PCDH9: variants seen among roughly 807,000 people sequenced by gnomAD.
PCDH9 encodes the protein protocadherin 9, also known as protocadherin-9.
A neutral mutation model predicts 70.6 loss-of-function variants in PCDH9; 24 were observed. That is an observed-to-expected ratio of 0.34 (90% confidence interval 0.25 to 0.48). The LOEUF (loss-of-function observed/expected upper bound fraction) is 0.48. Among genes scored for constraint, PCDH9 ranks in the 20% least tolerant of loss-of-function variants. PCDH9 has a pLI of 0.99. For synonymous variants in PCDH9, 562 were observed against 558.5 expected, an observed-to-expected ratio of 1.01 and a Z score of -0.09; for missense variants, 1,281 against 1,503.6, an observed-to-expected ratio of 0.85 and a Z score of 2.45.
intron 3 of PCDH9, among the ~76,000 whole-genome samples, chr13:66,850,636 GAA>G (rs2081300913): frequency 6.6e-6 from 1 of 152,004 alleles, no homozygotes; most frequent in Non-Finnish European, 1.5e-5. Flanking sequence ...AAAATCTATT[GAA>G]GTTTCACTTA....
intron 4 of PCDH9, among the ~76,000 whole-genome samples, chr13:66,442,668 T>A (rs1473840614): frequency 2.9e-4 from 1 of 3,456 alleles, no homozygotes; most frequent in Admixed American, 0.022. Context: ...AGTTTGTTGT[T>A]TTTTTTTCAG....
intron 2 of PCDH9, among the ~76,000 whole-genome samples, chr13:67,151,054 C>T (rs2087646486): frequency 6.6e-6 from 1 of 152,116 alleles, no homozygotes; most frequent in African/African-American, 2.4e-5. Context: ...ATACTGTTCC[C>T]TCTGCCCTCA....
intron 4 of PCDH9, among the ~76,000 whole-genome samples, chr13:66,506,129 A>G (rs1192350020): frequency 1.3e-5 from 2 of 152,198 alleles, no homozygotes; most frequent in Non-Finnish European, 2.9e-5. Flanking sequence ...GAAGGGCATC[A>G]TGCTTCATTG....
chr13:67,188,078 A>T (rs1370660495), intron 2 of PCDH9, among the ~76,000 whole-genome samples: 3 of 152,156 alleles, frequency 2.0e-5, no homozygotes, highest in African/African-American at 7.2e-5. Flanking sequence ...TTCATGAGAA[A>T]TATACAGTAA....
chr13:66,770,258 A>G (rs2079785520), intron 3 of PCDH9, among the ~76,000 whole-genome samples: 1 of 152,180 alleles, frequency 6.6e-6, no homozygotes, highest in Non-Finnish European at 1.5e-5. Context: ...CACTGGGTAC[A>G]GTGTACACTA....
chr13:66,691,676 T>G (rs2078488901), intron 3 of PCDH9, among the ~76,000 whole-genome samples: 1 of 152,090 alleles, frequency 6.6e-6, no homozygotes, highest in Non-Finnish European at 1.5e-5. Flanking sequence ...TAATCACCAT[T>G]GAGAAAATGA....
At position 67,226,344 on chromosome 13, in the gene PCDH9, T is replaced by C. The variant is rs1344302790; in HGVS notation, c.2097A>G (p.Glu699=). ...CAGTGTCAACATCCACTGCAAAAACTTCTGCTACCACGGAGCCAGGAATGG... is the reference window on the plus strand; with the variant it reads ...CAGTGTCAACATCCACTGCAAAAACCTCTGCTACCACGGAGCCAGGAATGG... The part of the protein sequence containing the change: ...LSAIPGSVVA[E]VFAVDVDTGM... The change falls in exon 2 of 5, where the codon GAA becomes GAG. Residue 699 remains glutamate, a synonymous_variant. Transcript: ENST00000377865. This position sits in a 1 kb window ranked among gnomAD's most constrained non-coding sequence, Gnocchi z 5.0. 2 of 1,614,192 alleles carry C rather than the reference T, an allele frequency of 1.2e-6. No homozygotes were observed. The highest frequency in any genetic ancestry group is 1.7e-5 in the Admixed American group (1 of 60,020).
intron 2 of PCDH9, among the ~76,000 whole-genome samples, chr13:66,998,677 T>A (rs908854912): frequency 6.6e-6 from 1 of 152,194 alleles, no homozygotes; most frequent in African/African-American, 2.4e-5. Context: ...CCAGGTCCAC[T>A]TCTACTCACA....
At chr13:66,922,063 G>A (rs2082645333) in intron 2 of PCDH9, among the ~76,000 whole-genome samples, 2 of 151,212 alleles carry the variant, frequency 1.3e-5, no homozygotes, top group South Asian at 2.1e-4. Flanking sequence ...TGTAGGTAAT[G>A]TCAATATTTA....
At chr13:66,912,107 T>C (rs1418835295) in intron 2 of PCDH9, among the ~76,000 whole-genome samples, 1 of 152,180 alleles carries the variant, frequency 6.6e-6, no homozygotes, top group Non-Finnish European at 1.5e-5. Context: ...TAAACATTTA[T>C]TAAATTTCAA....
intron 2 of PCDH9, among the ~76,000 whole-genome samples, chr13:67,103,811 A>C (rs981466971): frequency 1.3e-5 from 2 of 151,256 alleles, no homozygotes; most frequent in Non-Finnish European, 3.0e-5. Flanking sequence ...TTGACTAGGC[A>C]GTGGGGAACC....
At chr13:66,386,482 A>G (rs2138256495) in intron 4 of PCDH9, among the ~76,000 whole-genome samples, 1 of 152,328 alleles carries the variant, frequency 6.6e-6, no homozygotes, top group Admixed American at 6.5e-5. Flanking sequence ...GTCAAAGAAT[A>G]TAAGAAGTAC....
At chr13:66,405,091 T>A (rs1282930167) in intron 4 of PCDH9, among the ~76,000 whole-genome samples, 1 of 152,196 alleles carries the variant, frequency 6.6e-6, no homozygotes, top group Non-Finnish European at 1.5e-5. Flanking sequence ...GATGGATAAA[T>A]CTCAGTAAAA....
intron 3 of PCDH9, among the ~76,000 whole-genome samples, chr13:66,782,437 T>C (rs2080013768): frequency 6.6e-6 from 1 of 152,048 alleles, no homozygotes; most frequent in South Asian, 2.1e-4. Context: ...CGGCCCAATG[T>C]GGTAGTCACA....
chr13:66,429,132 T>C (rs886761127), intron 4 of PCDH9, among the ~76,000 whole-genome samples: 4 of 151,872 alleles, frequency 2.6e-5, no homozygotes, highest in African/African-American at 7.2e-5. Context: ...TGGCAAAATA[T>C]GCTCATACAG....
At chr13:66,509,473 C>A (rs556233693) in intron 4 of PCDH9, among the ~76,000 whole-genome samples, 1 of 152,290 alleles carries the variant, frequency 6.6e-6, no homozygotes, top group East Asian at 1.9e-4. Flanking sequence ...ATGAGCTTGA[C>A]ACATCCCACT....
intron 4 of PCDH9, among the ~76,000 whole-genome samples, chr13:66,474,546 C>T (rs1313496267): frequency 6.6e-6 from 1 of 151,952 alleles, no homozygotes; most frequent in Admixed American, 6.6e-5. Context: ...ATTAAGTAAA[C>T]TAAAAATCAT....
intron 4 of PCDH9, among the ~76,000 whole-genome samples, chr13:66,591,804 G>A (rs1011256194): frequency 6.6e-6 from 1 of 151,506 alleles, no homozygotes; most frequent in Non-Finnish European, 1.5e-5. Context: ...TTGCAGGTTG[G>A]GAGGGGGGGC....
intron 2 of PCDH9, among the ~76,000 whole-genome samples, chr13:67,084,352 GCTGA>G (rs2138191856): frequency 6.6e-6 from 1 of 152,252 alleles, no homozygotes; most frequent in Admixed American, 6.5e-5. Flanking sequence ...ATGAGCCAGA[GCTGA>G]CATTCTCTTC....
Sources: allele counts gnomAD v4.1 joint callset (sites outside exome capture counted in the v4.1 genomes callset), GRCh38; gene constraint gnomAD v4.1.1; non-coding constraint Gnocchi (gnomAD v3.1); transcripts MANE v1.5; gene names NCBI Gene and HGNC (gene_info 2026-07-23, HGNC 2026-07-21).